The following GFRA3 variants were observed in gnomAD, a reference collection of about 807,000 sequenced individuals.
The protein encoded by GFRA3 is GDNF family receptor alpha-3.
GFRA3 carries 24 observed loss-of-function variants against 40.0 expected under a neutral mutation model. The ratio of observed to expected loss-of-function variants is 0.60; its 90% CI spans 0.43 to 0.84. GFRA3 has a LOEUF of 0.84. GFRA3 is among the 40% of genes least tolerant of loss of function. GFRA3 has a pLI of 0.00. For synonymous variants in GFRA3, 203 were observed against 213.5 expected (o/e 0.95, Z 0.43); for missense variants, 405 against 530.6 (o/e 0.76, Z 2.33).
In GFRA3 at chr5:138,271,581, CT is replaced by C. The variant is rs559805865; in HGVS notation, c.91+2752del. On this transcript the variant is annotated intron_variant, in intron 1 of 7. Coordinates refer to ENST00000274721, the MANE Select transcript of GFRA3 (RefSeq NM_001496.4). ...CCTTTCTTTTTCTTTCTCCTTTCTCCTTTTCTTTTCTTTCTTTTAATCTCTG... is the reference window on the plus strand; with the variant it reads ...CCTTTCTTTTTCTTTCTCCTTTCTCCTTTCTTTTCTTTCTTTTAATCTCTG... Among the ~76,000 whole-genome samples the C allele has an allele frequency of 8.6e-5, 13 of 151,690 alleles. No individual in the cohort carries two copies. The South Asian group carries it at 2.7e-3, about 32-fold the overall frequency.
At chr5:138,259,931 C>G (rs1233363999) in intron 2 of GFRA3, among the ~76,000 whole-genome samples, 2 of 152,044 alleles carry the variant, frequency 1.3e-5, no homozygotes, top group Non-Finnish European at 2.9e-5. Flanking sequence ...ATGCTGAGCA[C>G]CATCGCACTT....
intron 4 of GFRA3, among the ~76,000 whole-genome samples, chr5:138,256,754 C>G (rs1236124878): frequency 1.3e-5 from 2 of 151,660 alleles, no homozygotes; most frequent in East Asian, 3.9e-4. Context: ...CGAGACCAGC[C>G]TGGCCAACAT....
chr5:138,274,248 CT>C, intron 1 of GFRA3, 85 bp downstream of exon 1: 1 of 1,301,630 alleles, frequency 7.7e-7, no homozygotes, highest in Non-Finnish European at 9.8e-7. Flanking sequence ...CTGCTGCGCC[CT>C]CTCCGGACAG....
At chr5:138,266,230 C>A (rs1236827943) in intron 1 of GFRA3, among the ~76,000 whole-genome samples, 1 of 152,068 alleles carries the variant, frequency 6.6e-6, no homozygotes, top group East Asian at 1.9e-4. Context: ...CTATGTTTAA[C>A]TTTTTGAGGA....
chr5:138,253,820 G>A lies in GFRA3; in HGVS notation c.970C>T (p.Leu324=), dbSNP rs190585947. ...TCCAGCATTTCACACTCCTCCTGCAGGTTGCCACTGCCTCGGCAGGTGCAG... is the reference window on the plus strand; with the variant it reads ...TCCAGCATTTCACACTCCTCCTGCAAGTTGCCACTGCCTCGGCAGGTGCAG... ...LSCTCRGSGN[L]QEECEMLEGF... Residue 324 remains leucine (L), a synonymous_variant, in exon 6 of 8, where the codon CTG becomes TTG. Coordinates refer to ENST00000274721, the MANE Select transcript of GFRA3 (RefSeq NM_001496.4). The A allele has an allele frequency of 1.2e-6, 2 of 1,613,976 alleles. No homozygotes were observed. The highest frequency in any genetic ancestry group is 2.2e-5 in the East Asian group (1 of 44,870).
chr5:138,258,350 T>A (rs1755665632), intron 3 of GFRA3, among the ~76,000 whole-genome samples: 3 of 151,764 alleles, frequency 2.0e-5, no homozygotes, highest in Non-Finnish European at 4.4e-5. Context: ...CCGGCTAATT[T>A]TTTGTATTTT....
At position 138,254,131 on chromosome 5, in the gene GFRA3, C is replaced by G; in HGVS notation, c.815G>C (p.Cys272Ser). 2 of 1,609,640 alleles carry G rather than the reference C, an allele frequency of 1.2e-6. No individual in the cohort carries two copies. Among genetic ancestry groups the G allele is most frequent in the Non-Finnish European group, 1.7e-6 (2 of 1,176,098 alleles). Residue 272 changes from cysteine to serine, a missense_variant, in exon 5 of 8, where the codon TGC becomes TCC. Physicochemically the swap from Cys to Ser is moderately radical, Grantham distance 112. Coordinates refer to ENST00000274721, the MANE Select transcript of GFRA3 (RefSeq NM_001496.4). ...RSRLVDFQTH[C>S]HPMDILGTCA... is the part of the protein sequence containing the mutation. ...AGTTCCTAGGATGTCCATGGGATGG[C>G]AGTGGGTCTGGAAATCCACCAGGCG...
At chr5:138,265,069 T>G in intron 1 of GFRA3, among the ~76,000 whole-genome samples, 1 of 152,128 alleles carries the variant, frequency 6.6e-6, no homozygotes, top group East Asian at 1.9e-4. Context: ...AACCTGACCC[T>G]GTCTCTTACT....
Position 138,254,070 on chromosome 5 carries a change from G to T in GFRA3, c.876C>A (p.Tyr292Ter). 6.2e-7 allele frequency: 1 copy of T among 1,608,704 alleles called. No individual in the cohort carries two copies. The highest frequency in any genetic ancestry group is 8.5e-7 in the Non-Finnish European group (1 of 1,175,116). Residue 292 changes from tyrosine (Y) to a stop codon, truncating the protein, a stop_gained, in exon 5 of 8, where the codon TAC becomes TAA. Coordinates refer to ENST00000274721, the MANE Select transcript of GFRA3 (RefSeq NM_001496.4). LOFTEE classifies it high-confidence loss of function. ...CCCCAGCCTCACCAATCAGCCCCAG[G>T]TATGCTCGTAGACATCTGGACTGCT... Reference protein sequence around the residue: ...ATEQSRCLRAYLGLIGTAMTP... With the variant: ...ATEQSRCLRA
chr5:138,268,407 T>C (rs905030285), intron 1 of GFRA3, among the ~76,000 whole-genome samples: 288 of 28,410 alleles, frequency 0.01, 1 homozygote, highest in African/African-American at 0.033. Context: ...CAAAAGCAAA[T>C]GCAAAAAAAA....
chr5:138,253,656 G>T, intron 6 of GFRA3, 110 bp downstream of exon 6: 2 of 1,010,924 alleles, frequency 2.0e-6, no homozygotes, highest in Non-Finnish European at 3.0e-6. Context: ...GAACTGCTCT[G>T]TTTGGTGGAG....
chr5:138,257,639 C>T lies in GFRA3; in HGVS notation c.785G>A (p.Arg262Lys). The change falls in exon 4 of 8, where the codon AGA becomes AAA. Residue 262 changes from arginine (R) to lysine (K), a missense_variant and splice_region_variant. By Grantham distance (26) the Arg-to-Lys change is conservative. Transcript: ENST00000274721. The part of the protein sequence containing the change: ...RRLCFSDPLC[R>K]SRLVDFQTHC... ...CACCCTGTCCTCCCAAACTACACAC[C>T]TGCAAAGCGGGTCGGAGAAGCAGAG... is the stretch of plus-strand genomic sequence containing the variant. The T allele has an allele frequency of 6.2e-7, 1 of 1,607,870 alleles. No homozygotes were observed. Among genetic ancestry groups the T allele is most frequent in the Non-Finnish European group, 8.5e-7 (1 of 1,178,486 alleles).
At chr5:138,262,606 C>A (rs1181766785) in intron 2 of GFRA3, among the ~76,000 whole-genome samples, 1 of 152,124 alleles carries the variant, frequency 6.6e-6, no homozygotes, top group African/African-American at 2.4e-5. Context: ...GTGTGCACCA[C>A]CACACTCAGC....
chr5:138,253,081 T>A (rs1561647879), intron 7 of GFRA3, 24 bp from the exon 8 acceptor site: 2 of 1,338,782 alleles, frequency 1.5e-6, no homozygotes, highest in South Asian at 1.2e-5. Context: ...GGAATGGAGT[T>A]AGCTCAGGGG....
At chr5:138,256,712 G>A (rs1755636962) in intron 4 of GFRA3, among the ~76,000 whole-genome samples, 3 of 151,974 alleles carry the variant, frequency 2.0e-5, no homozygotes, top group Non-Finnish European at 4.4e-5. Flanking sequence ...ACTTTGGGAG[G>A]CCAAAGCAGG....
intron 1 of GFRA3, among the ~76,000 whole-genome samples, chr5:138,265,920 TTC>T (rs1755776634): frequency 6.6e-6 from 1 of 152,180 alleles, no homozygotes; most frequent in Non-Finnish European, 1.5e-5. Context: ...AGTCTTGAAC[TTC>T]TGACCTCAGA....
Position 138,274,288 on chromosome 5 carries a change from T to A in GFRA3, c.91+46A>T, listed in dbSNP as rs375075920. 38 of 1,316,884 alleles carry A rather than the reference T, an allele frequency of 2.9e-5. No individual in the cohort carries two copies. In the African/African-American group the frequency reaches 5.4e-4, roughly 19 times the overall value. The allele number at this position is 1,316,884 out of a possible 1,614,324, so 81.6% of individuals were successfully genotyped here. A position where few individuals can be genotyped will look rare whatever the true frequency, so the allele number is the denominator to read the frequency against. On this transcript the variant is annotated intron_variant, in intron 1 of 7. Coordinates refer to ENST00000274721, the MANE Select transcript of GFRA3 (RefSeq NM_001496.4). Reference sequence around the variant, plus strand: ...CCCCGGGCCTCGCCTACACCTCACCTCCCCCTCCCACTGTACCCCCGGCCG... The same window carrying A: ...CCCCGGGCCTCGCCTACACCTCACCACCCCCTCCCACTGTACCCCCGGCCG...
intron 1 of GFRA3, among the ~76,000 whole-genome samples, chr5:138,270,918 G>A (rs571724569): frequency 8.5e-5 from 13 of 152,244 alleles, no homozygotes; most frequent in East Asian, 7.7e-4. Flanking sequence ...TGTTACTTCC[G>A]GTAGGTACTG....
At chr5:138,272,878 T>G (rs948450891) in intron 1 of GFRA3, among the ~76,000 whole-genome samples, 3 of 152,116 alleles carry the variant, frequency 2.0e-5, no homozygotes, top group Non-Finnish European at 4.4e-5. Flanking sequence ...TTTTGTAACT[T>G]TGTTTTCTGC....
Sources: allele counts gnomAD v4.1 joint callset (sites outside exome capture counted in the v4.1 genomes callset), GRCh38; gene constraint gnomAD v4.1.1; transcripts MANE v1.5; gene names NCBI Gene and HGNC (gene_info 2026-07-23, HGNC 2026-07-21).